Variants in PPP4R1 observed in about 807,000 individuals in gnomAD.
PPP4R1 encodes the protein serine/threonine-protein phosphatase 4 regulatory subunit 1.
In PPP4R1, 42 loss-of-function variants were observed where a neutral mutation model predicts 111.2. The ratio of observed to expected loss-of-function variants is 0.38; its 90% CI spans 0.29 to 0.49. PPP4R1 has a LOEUF of 0.49. Among genes scored for constraint, PPP4R1 ranks in the 20% least tolerant of loss-of-function variants. The pLI is 0.97. For synonymous variants in PPP4R1, 409 were observed against 405.5 expected (o/e 1.01, Z -0.10); for missense variants, 1,012 against 1,161.6 (o/e 0.87, Z 1.87).
intron 6 of PPP4R1, among the ~76,000 whole-genome samples, chr18:9,587,087 A>G (rs796955065): frequency 7.9e-5 from 12 of 152,350 alleles, no homozygotes; most frequent in African/African-American, 2.9e-4. Context: ...GAGCAGGAGC[A>G]AAGTATTATT....
At position 9,600,128 on chromosome 18, in the gene PPP4R1, C is replaced by T. The variant is rs571929065; in HGVS notation, c.53-4975G>A. 7.4e-5 allele frequency among the ~76,000 whole-genome samples: 11 copies of T among 148,564 alleles called. No individual in the cohort carries two copies. In the South Asian group the frequency reaches 1.3e-3, roughly 17 times the overall value. The stretch of plus-strand genomic sequence containing the variant: ...CTATCACTCTATCATGATTGATAAT[C>T]ACTTCCATACAAAGGGAGTGTTCCA... On this transcript the variant is annotated intron_variant, in intron 2 of 19. Coordinates refer to ENST00000400556, the MANE Select transcript of PPP4R1 (RefSeq NM_001042388.3).
rs74371552 is a variant in PPP4R1 at position 9,609,810 on chromosome 18, A to G, written c.52+4416T>C. Among the ~76,000 whole-genome samples the G allele has an allele frequency of 8.4e-3, 1,273 of 152,358 alleles. 51 individuals carry two copies. The highest frequency in any genetic ancestry group is 0.083 in the East Asian group (432 of 5,190). The stretch of plus-strand genomic sequence containing the variant: ...TGCCTGTACAAGTTTGGGTTGATCA[A>G]TATTTTAAACTGGGCCATTTAAGAA... On this transcript the variant is annotated intron_variant, in intron 2 of 19. Coordinates refer to ENST00000400556, the MANE Select transcript of PPP4R1 (RefSeq NM_001042388.3).
At chr18:9,608,667 C>CT (rs2067525948) in intron 2 of PPP4R1, among the ~76,000 whole-genome samples, 1 of 152,196 alleles carries the variant, frequency 6.6e-6, no homozygotes, top group South Asian at 2.1e-4. Context: ...GCCCAAAACA[C>CT]TAAGTTAGGT....
chr18:9,565,529 A>G (rs931599024), intron 11 of PPP4R1, among the ~76,000 whole-genome samples: 2 of 152,262 alleles, frequency 1.3e-5, no homozygotes, highest in African/African-American at 4.8e-5. Flanking sequence ...ATAAATGCAG[A>G]TGGAAAAGTT....
Position 9,549,197 on chromosome 18 carries a change from CT to C in PPP4R1, c.2688del (p.Asp897ThrfsTer47). 1 of 1,612,148 alleles carries C rather than the reference CT, an allele frequency of 6.2e-7. No homozygotes were observed. The highest frequency in any genetic ancestry group is 8.5e-7 in the Non-Finnish European group (1 of 1,178,290). ...AKTLRQTLLE[K>X]DYFLASASCH... ...TTCTTCTAGTGGAGTCACTACCTAC[CT>C]TTTTCTAGTAGAGTTTGTCTTAATG... On this transcript the variant is annotated frameshift_variant and splice_region_variant, in exon 19 of 20. Coordinates refer to ENST00000400556, the MANE Select transcript of PPP4R1 (RefSeq NM_001042388.3). LOFTEE classifies it high-confidence loss of function.
At chr18:9,570,743 A>C in intron 10 of PPP4R1, 60 bp from the exon 11 acceptor site, 1 of 1,472,138 alleles carries the variant, frequency 6.8e-7, no homozygotes, top group South Asian at 1.4e-5. Flanking sequence ...CTTTAAAAAA[A>C]CTGATGAAAG....
intron 9 of PPP4R1, among the ~76,000 whole-genome samples, chr18:9,581,052 G>T (rs1183868054): frequency 1.3e-5 from 2 of 152,146 alleles, no homozygotes; most frequent in Non-Finnish European, 2.9e-5. Context: ...ATTCCAGCCA[G>T]TCACTAAACA....
chr18:9,616,146 C>T (rs1397303689), upstream of PPP4R1, among the ~76,000 whole-genome samples: 1 of 152,136 alleles, frequency 6.6e-6, no homozygotes, highest in Admixed American at 6.5e-5. Context: ...AGCAATTGGT[C>T]CCAACTGACT....
Position 9,553,329 on chromosome 18 carries a change from G to A in PPP4R1, c.2284C>T (p.Leu762=). Residue 762 remains leucine (L), a synonymous_variant, in exon 16 of 20, where the codon CTG becomes TTG. Transcript: ENST00000400556. ...TAAACTGTTAGAACTTACTCAGCCA[G>A]TTCAGCTCGAAACCGCCAATTTCTA... ...NSRNWRFRAE[L]AEQLILLLEL... 6.3e-7 allele frequency: 1 copy of A among 1,576,364 alleles called. No homozygotes were observed. Among genetic ancestry groups the A allele is most frequent in the Non-Finnish European group, 8.7e-7 (1 of 1,146,358 alleles).
chr18:9,555,095 G>A (rs1029855003), intron 15 of PPP4R1, among the ~76,000 whole-genome samples: 1 of 152,094 alleles, frequency 6.6e-6, no homozygotes. Flanking sequence ...TTGAGCCCAG[G>A]AGTTCAAGAC....
intron 14 of PPP4R1, among the ~76,000 whole-genome samples, chr18:9,558,643 C>T (rs1269469538): frequency 6.6e-6 from 1 of 150,836 alleles, no homozygotes; most frequent in African/African-American, 2.4e-5. Flanking sequence ...AATACAATTA[C>T]TAAGAAGTTT....
At chr18:9,577,012 G>T (rs2066946429) in intron 10 of PPP4R1, 52 bp downstream of exon 10, 1 of 1,410,404 alleles carries the variant, frequency 7.1e-7, no homozygotes, top group East Asian at 2.4e-5. Context: ...TTTAAAAGCA[G>T]TAAAATTAGA....
chr18:9,551,911 C>T (rs554438976), intron 16 of PPP4R1: 6 of 152,460 alleles, frequency 3.9e-5, no homozygotes, highest in African/African-American at 1.2e-4. Context: ...CAGCCCACAG[C>T]GAGAAAAACT....
At chr18:9,558,067 T>C (rs1208068934) in intron 14 of PPP4R1, among the ~76,000 whole-genome samples, 3 of 152,234 alleles carry the variant, frequency 2.0e-5, no homozygotes, top group African/African-American at 7.2e-5. Flanking sequence ...GCATTTATAA[T>C]AATTTTAAGT....
At chr18:9,579,802 G>C (rs113701601) in intron 9 of PPP4R1, among the ~76,000 whole-genome samples, 1 of 152,266 alleles carries the variant, frequency 6.6e-6, no homozygotes, top group African/African-American at 2.4e-5. Context: ...CAGTGTACAG[G>C]AGGATGTGCA....
At chr18:9,573,802 A>G (rs965279929) in intron 10 of PPP4R1, among the ~76,000 whole-genome samples, 14 of 152,180 alleles carry the variant, frequency 9.2e-5, no homozygotes, top group Admixed American at 9.2e-4. Flanking sequence ...TAATATTCTC[A>G]GCTGCAAAAA....
intron 9 of PPP4R1, 102 bp downstream of exon 9, chr18:9,583,010 AATAAT>A: frequency 9.5e-7 from 1 of 1,055,280 alleles, no homozygotes; most frequent in Non-Finnish European, 1.3e-6. Flanking sequence ...AAGTATAAAA[AATAAT>A]ATATCTTAAA....
intron 2 of PPP4R1, among the ~76,000 whole-genome samples, chr18:9,596,715 G>A (rs62088872): frequency 0.17 from 25,187 of 152,094 alleles, 2,922 homozygotes; most frequent in African/African-American, 0.33. Context: ...TGTTATTGCT[G>A]TTAGGGCATT....
At chr18:9,552,641 T>C (rs57539299) in intron 16 of PPP4R1, among the ~76,000 whole-genome samples, 15,667 of 152,226 alleles carry the variant, frequency 0.1, 834 homozygotes, top group African/African-American at 0.11. Flanking sequence ...AGAATTACCA[T>C]ATGGCCTTGC....
Sources: allele counts gnomAD v4.1 joint callset (sites outside exome capture counted in the v4.1 genomes callset), GRCh38; gene constraint gnomAD v4.1.1; transcripts MANE v1.5; gene names NCBI Gene and HGNC (gene_info 2026-07-23, HGNC 2026-07-21).